The following FRMD5 variants were observed in gnomAD, a reference collection of about 807,000 sequenced individuals.
FRMD5 encodes the protein FERM domain containing 5.
FRMD5 carries 20 observed loss-of-function variants against 69.0 expected under a neutral mutation model. The observed-to-expected ratio is 0.29, with a 90% CI of 0.20 to 0.42. FRMD5 has a LOEUF of 0.42. FRMD5 is among the 10% of genes least tolerant of loss of function. FRMD5 has a pLI of 1.00. For missense variants in FRMD5, 595 were observed against 708.6 expected (o/e 0.84, Z 1.82); for synonymous variants, 271 against 260.1 (o/e 1.04, Z -0.40).
At chr15:44,018,409 A>G (rs1252320254) in intron 1 of FRMD5, among the ~76,000 whole-genome samples, 2 of 152,234 alleles carry the variant, frequency 1.3e-5, no homozygotes, top group Non-Finnish European at 2.9e-5. Context: ...CTGTCTGCAT[A>G]AAGTGATGAG....
intron 1 of FRMD5, among the ~76,000 whole-genome samples, chr15:43,968,804 C>G (rs1292023389): frequency 2.0e-5 from 3 of 152,126 alleles, no homozygotes; most frequent in Non-Finnish European, 4.4e-5. Context: ...GCTAAGGACA[C>G]TATCATTTCA....
At chr15:44,176,254 A>G (rs1195172512) in intron 1 of FRMD5, among the ~76,000 whole-genome samples, 1 of 152,210 alleles carries the variant, frequency 6.6e-6, no homozygotes, top group Non-Finnish European at 1.5e-5. Flanking sequence ...CATCTTCAGC[A>G]AAAGGGCTAA....
At chr15:43,986,890 G>T (rs1402117976) in intron 1 of FRMD5, among the ~76,000 whole-genome samples, 1 of 151,628 alleles carries the variant, frequency 6.6e-6, no homozygotes, top group East Asian at 1.9e-4. Context: ...TGCTCATTTT[G>T]TGTCTCTGTT....
chr15:43,900,163 C>T (rs2089010106), intron 7 of FRMD5, among the ~76,000 whole-genome samples: 1 of 152,102 alleles, frequency 6.6e-6, no homozygotes, highest in Admixed American at 6.5e-5. Flanking sequence ...AGACTGTGTA[C>T]TTTCAAGTGA....
At position 44,195,049 on chromosome 15, in the gene FRMD5, C is replaced by A. The variant is rs1256256443; in HGVS notation, c.6G>T (p.Leu2=). The A allele has an allele frequency of 3.3e-6, 5 of 1,537,918 alleles. No homozygotes were observed. The highest frequency in any genetic ancestry group is 4.4e-6 in the Non-Finnish European group (5 of 1,147,604). ...TGCTGCTGCCGCTCATCAACCTGCTCAGCATCTTCCCGCCCGCCCGCCCGG... is the reference window on the plus strand; with the variant it reads ...TGCTGCTGCCGCTCATCAACCTGCTAAGCATCTTCCCGCCCGCCCGCCCGG... M[L]SRLMSGSSRS... is the part of the protein sequence containing the mutation. Residue 2 remains leucine (L), a synonymous_variant, in exon 1 of 14, where the codon CTG becomes CTT. Transcript: ENST00000417257.
intron 7 of FRMD5, among the ~76,000 whole-genome samples, chr15:43,900,663 G>A (rs905600301): frequency 6.6e-6 from 1 of 150,678 alleles, no homozygotes; most frequent in African/African-American, 2.5e-5. Context: ...TGTCACCCAG[G>A]CTGGAGTGCA....
intron 1 of FRMD5, among the ~76,000 whole-genome samples, chr15:44,002,421 G>A (rs1255649854): frequency 1.3e-5 from 2 of 152,156 alleles, no homozygotes; most frequent in Non-Finnish European, 2.9e-5. Flanking sequence ...GTAGCAGGAT[G>A]AGCTGCAGAC....
chr15:44,039,307 A>G (rs374787797), intron 1 of FRMD5, among the ~76,000 whole-genome samples: 1 of 152,244 alleles, frequency 6.6e-6, no homozygotes, highest in East Asian at 1.9e-4. Flanking sequence ...CTCCCAGCAC[A>G]GCATTCAAGC....
chr15:44,162,083 G>C lies in FRMD5; in HGVS notation c.102+32870C>G, dbSNP rs111892062. Among the ~76,000 whole-genome samples the C allele has an allele frequency of 3.9e-3, 600 of 152,160 alleles. 5 individuals are homozygous for C. The highest frequency in any genetic ancestry group is 0.014 in the African/African-American group (562 of 41,522). ...AGGTTCAAGCGATTCTCCTGCCTCA[G>C]CCTCCTGAGAAGCTGGGATTACAGG... On this transcript the variant is annotated intron_variant, in intron 1 of 13. Transcript: ENST00000417257.
At chr15:44,138,513 G>GA (rs1290183127) in intron 1 of FRMD5, among the ~76,000 whole-genome samples, 6 of 152,148 alleles carry the variant, frequency 3.9e-5, no homozygotes, top group African/African-American at 1.4e-4. Context: ...AATGTTAGGA[G>GA]AAAAGAACTC....
At chr15:43,960,599 G>A (rs776813508) in intron 1 of FRMD5, among the ~76,000 whole-genome samples, 18 of 149,504 alleles carry the variant, frequency 1.2e-4, no homozygotes, top group Non-Finnish European at 2.2e-4. Context: ...GGTCAGGTTC[G>A]TCTCAAGCTC....
At chr15:44,197,082 T>C (rs2078315176), upstream of FRMD5, among the ~76,000 whole-genome samples, 1 of 152,098 alleles carries the variant, frequency 6.6e-6, no homozygotes, top group African/African-American at 2.4e-5. Flanking sequence ...GCGCCCGTGG[T>C]CCCAGCTACT....
chr15:43,883,525 C>A (rs1200967727), intron 13 of FRMD5, among the ~76,000 whole-genome samples, 178 bp downstream of exon 13: 2 of 152,228 alleles, frequency 1.3e-5, no homozygotes, highest in East Asian at 3.8e-4. Context: ...ATACCCACAC[C>A]CCTTTACCCT....
chr15:44,135,592 C>T (rs1046192118), intron 1 of FRMD5, among the ~76,000 whole-genome samples: 1 of 152,098 alleles, frequency 6.6e-6, no homozygotes, highest in Non-Finnish European at 1.5e-5. Context: ...CTTTGGGAGG[C>T]CAAGGCAGTG....
chr15:43,994,543 A>G (rs1286066598), intron 1 of FRMD5, among the ~76,000 whole-genome samples: 1 of 152,058 alleles, frequency 6.6e-6, no homozygotes, highest in Non-Finnish European at 1.5e-5. Flanking sequence ...TGATTCTCCT[A>G]CCTCAGCCTC....
At chr15:44,149,757 A>C (rs573721687) in intron 1 of FRMD5, among the ~76,000 whole-genome samples, 3 of 152,288 alleles carry the variant, frequency 2.0e-5, no homozygotes, top group Admixed American at 6.5e-5. Context: ...TAAAGCAAAG[A>C]CTGAAAGAAA....
At chr15:43,927,361 C>T (rs2089602375) in intron 1 of FRMD5, among the ~76,000 whole-genome samples, 1 of 152,142 alleles carries the variant, frequency 6.6e-6, no homozygotes, top group Non-Finnish European at 1.5e-5. Flanking sequence ...CCTATTCCTC[C>T]TGTCTTTGGT....
chr15:44,075,939 G>A (rs898608269), intron 1 of FRMD5, among the ~76,000 whole-genome samples: 4 of 152,134 alleles, frequency 2.6e-5, no homozygotes, highest in Non-Finnish European at 5.9e-5. Flanking sequence ...TTTTTCATGT[G>A]TTTTTTGGCT....
At chr15:44,153,254 T>A (rs1159095441) in intron 1 of FRMD5, among the ~76,000 whole-genome samples, 1 of 152,206 alleles carries the variant, frequency 6.6e-6, no homozygotes, top group Non-Finnish European at 1.5e-5. Flanking sequence ...CTCAAAGAGA[T>A]ACTTGTATAT....
Sources: allele counts gnomAD v4.1 joint callset (sites outside exome capture counted in the v4.1 genomes callset), GRCh38; gene constraint gnomAD v4.1.1; transcripts MANE v1.5; gene names NCBI Gene and HGNC (gene_info 2026-07-23, HGNC 2026-07-21).